The following OSBPL3 variants were observed in gnomAD, a reference collection of about 807,000 sequenced individuals.
The protein encoded by OSBPL3 is oxysterol binding protein like 3, also known as oxysterol-binding protein-related protein 3.
Under a neutral mutation model 120.1 loss-of-function variants are expected in OSBPL3, and 65 were observed. That is an observed-to-expected ratio of 0.54 (90% CI 0.44 to 0.67). OSBPL3 has a LOEUF of 0.67. Ranked by LOEUF, OSBPL3 falls within the 30% of genes least tolerant of loss-of-function variation. The pLI, the probability that OSBPL3 is intolerant of heterozygous loss-of-function variation, is 0.00. For missense variants in OSBPL3, 1,004 were observed against 1,082.1 expected, an observed-to-expected ratio of 0.93 and a Z score of 1.01; for synonymous variants, 416 against 402.6, an observed-to-expected ratio of 1.03 and a Z score of -0.40.
At chr7:24,948,242 T>C (rs1321619383) in intron 1 of OSBPL3, among the ~76,000 whole-genome samples, 5 of 152,200 alleles carry the variant, frequency 3.3e-5, no homozygotes, top group South Asian at 4.1e-4. Flanking sequence ...ATTTGAAGCA[T>C]TGTTGTACAG....
In OSBPL3 at chr7:24,937,408, T is replaced by C. The variant is rs1331975245; in HGVS notation, c.-150+42478A>G. Among the ~76,000 whole-genome samples the C allele has an allele frequency of 1.3e-5, 2 of 152,240 alleles. No individual in the cohort carries two copies. Among genetic ancestry groups the C allele is most frequent in the Non-Finnish European group, 2.9e-5 (2 of 68,034 alleles). ...CTATTATGAATGGGCTCATTCTGTA[T>C]ATAATCCCCAATTTGACTTTTATGT... On this transcript the variant is annotated intron_variant, in intron 1 of 22. Transcript: ENST00000313367. This position sits in a 1 kb window ranked among gnomAD's most constrained non-coding sequence, Gnocchi z 4.0.
At position 24,922,607 on chromosome 7, in the gene OSBPL3, C is replaced by T. The variant is rs1172751360; in HGVS notation, c.-149-29986G>A. ...CAGGCTGCTCTCCCTAACCTTTCCT[C>T]CATTTCCTTATGCCCTCTTCTTGTT... On this transcript the variant is annotated intron_variant, in intron 1 of 22. Coordinates refer to ENST00000313367, the MANE Select transcript of OSBPL3 (RefSeq NM_015550.4). The surrounding 1 kb of genome is among the most constrained non-coding windows in gnomAD (Gnocchi z 4.3). Among the ~76,000 whole-genome samples the T allele has an allele frequency of 6.6e-6, 1 of 152,196 alleles. No individual in the cohort carries two copies. Among genetic ancestry groups the T allele is most frequent in the Non-Finnish European group, 1.5e-5 (1 of 68,030 alleles).
chr7:24,925,291 C>G (rs1478615538), intron 1 of OSBPL3, among the ~76,000 whole-genome samples: 1 of 152,174 alleles, frequency 6.6e-6, no homozygotes, highest in Non-Finnish European at 1.5e-5. Flanking sequence ...TGGGCTGACA[C>G]GGGCATGCAC....
At position 24,863,765 on chromosome 7, in the gene OSBPL3, C is replaced by G. The variant is rs187054885; in HGVS notation, c.674-166G>C. ...TTTTTTACAGGAAAGGCTGTAGACT[C>G]TAGTGGTTAAGGGCATGAATCTTGA... On this transcript the variant is annotated intron_variant, in intron 7 of 22. Coordinates refer to ENST00000313367, the MANE Select transcript of OSBPL3 (RefSeq NM_015550.4). This position sits in a 1 kb window ranked among gnomAD's most constrained non-coding sequence, Gnocchi z 5.8. Among the ~76,000 whole-genome samples the G allele has an allele frequency of 6.6e-6, 1 of 152,146 alleles. No homozygotes were observed. Among genetic ancestry groups the G allele is most frequent in the Admixed American group, 6.5e-5 (1 of 15,284 alleles).
chr7:24,864,638 A>G (rs1026790546), intron 7 of OSBPL3, among the ~76,000 whole-genome samples: 2 of 152,212 alleles, frequency 1.3e-5, no homozygotes, highest in Non-Finnish European at 2.9e-5. Context: ...TCATGGCTAC[A>G]GTTTCAAATC....
At chr7:24,980,236 A>C (rs1473586017), upstream of OSBPL3, 1 of 175,008 alleles carries the variant, frequency 5.7e-6, no homozygotes, top group Non-Finnish European at 1.1e-5. Flanking sequence ...AGCGCAGGGG[A>C]GGGGCCTGAG....
chr7:24,960,176 A>G (rs540149547), intron 1 of OSBPL3, among the ~76,000 whole-genome samples: 5 of 152,200 alleles, frequency 3.3e-5, no homozygotes, highest in Non-Finnish European at 7.4e-5. Context: ...AGAGTGTGAG[A>G]GTACCACAGG....
chr7:24,874,013 T>C (rs1802519060), intron 2 of OSBPL3, among the ~76,000 whole-genome samples: 1 of 152,200 alleles, frequency 6.6e-6, no homozygotes, highest in South Asian at 2.1e-4. Context: ...CTTGAGGGTA[T>C]AAAGGGTCCG....
At chr7:24,809,784 G>C (rs376836006) in intron 20 of OSBPL3, 23 bp downstream of exon 20, 1 of 1,613,130 alleles carries the variant, frequency 6.2e-7, no homozygotes, top group South Asian at 1.1e-5. Flanking sequence ...CACAGCCTGG[G>C]GTCCACAAAC....
chr7:24,825,785 A>G (rs1481043803), intron 16 of OSBPL3, among the ~76,000 whole-genome samples: 2 of 152,204 alleles, frequency 1.3e-5, no homozygotes, highest in African/African-American at 2.4e-5. Flanking sequence ...GAGTCCTCCA[A>G]TAAATAACAG....
chr7:24,845,384 TAAAAAAAAAAAAAAAAA>T (rs34559902), intron 12 of OSBPL3, among the ~76,000 whole-genome samples: 33 of 62,266 alleles, frequency 5.3e-4, no homozygotes, highest in Non-Finnish European at 8.3e-4. Flanking sequence ...GCAAAATAAG[TAAAAAAAAAAAAAAAAA>T]AAAAAAAAAA....
chr7:24,864,054 G>C (rs1200021576), intron 7 of OSBPL3, among the ~76,000 whole-genome samples: 1 of 152,132 alleles, frequency 6.6e-6, no homozygotes, highest in Non-Finnish European at 1.5e-5. Context: ...CCATCCACTT[G>C]TCAGGACCCA....
At position 24,979,956 on chromosome 7, in the gene OSBPL3, G is replaced by A; in HGVS notation, c.-220C>T. 1.3e-5 allele frequency: 13 copies of A among 982,694 alleles called. No individual in the cohort carries two copies. The highest frequency in any genetic ancestry group is 1.8e-5 in the African/African-American group (1 of 56,862). 60.9% of individuals were successfully genotyped at this position (982,694 alleles called of 1,614,324 possible). ...GGCTCCGGGGTTAGCGCACAGAACCGGGAGAAGGCAACCCCGGCTTCTCCG... is the reference window on the plus strand; with the variant it reads ...GGCTCCGGGGTTAGCGCACAGAACCAGGAGAAGGCAACCCCGGCTTCTCCG... On this transcript the variant is annotated 5_prime_UTR_variant, in exon 1 of 23. Coordinates refer to ENST00000313367, the MANE Select transcript of OSBPL3 (RefSeq NM_015550.4).
At chr7:24,861,880 A>T in intron 9 of OSBPL3, 111 bp from the exon 10 acceptor site, 83 of 517,154 alleles carry the variant, frequency 1.6e-4, no homozygotes, top group Non-Finnish European at 2.0e-4. Context: ...TTTTATAGGT[A>T]GGTCTTTTTT....
chr7:24,942,504 G>A (rs934071523), intron 1 of OSBPL3, among the ~76,000 whole-genome samples: 6 of 152,152 alleles, frequency 3.9e-5, no homozygotes, highest in Non-Finnish European at 5.9e-5. Flanking sequence ...CAGCAGAATA[G>A]GGAATCCTGC....
intron 1 of OSBPL3, among the ~76,000 whole-genome samples, chr7:24,944,607 G>A (rs1166300909): frequency 6.7e-6 from 1 of 148,456 alleles, no homozygotes; most frequent in Non-Finnish European, 1.5e-5. Context: ...TCCATCTTGG[G>A]TGAAAGAGCG....
intron 16 of OSBPL3, among the ~76,000 whole-genome samples, chr7:24,826,332 A>C (rs1263470643): frequency 6.6e-6 from 1 of 152,208 alleles, no homozygotes; most frequent in African/African-American, 2.4e-5. Context: ...CTAGGACAGG[A>C]ATGTCTATGA....
intron 1 of OSBPL3, among the ~76,000 whole-genome samples, chr7:24,917,423 T>G (rs1193574146): frequency 1.4e-5 from 2 of 141,800 alleles, no homozygotes; most frequent in Non-Finnish European, 3.0e-5. Context: ...TATATATATA[T>G]ATATTTGTAA....
At chr7:24,807,606 G>A (rs553780328) in intron 20 of OSBPL3, among the ~76,000 whole-genome samples, 3 of 152,200 alleles carry the variant, frequency 2.0e-5, no homozygotes, top group Admixed American at 6.5e-5. Context: ...TTTAAGTGAT[G>A]TCAAATTCTC....
Sources: gnomAD v4.1 joint callset for allele counts (sites outside exome capture counted in the v4.1 genomes callset) on GRCh38, gnomAD v4.1.1 for gene constraint, Gnocchi (gnomAD v3.1) non-coding constraint, MANE v1.5 for transcripts, NCBI Gene and HGNC (gene_info 2026-07-23, HGNC 2026-07-21) for gene names.